Variants in NFATC1 observed in about 807,000 individuals in gnomAD.
NFATC1 encodes the protein nuclear factor of activated T-cells, cytoplasmic 1.
Under a neutral mutation model 76.0 loss-of-function variants are expected in NFATC1, and 22 were observed. The observed-to-expected ratio is 0.29, with a 90% CI of 0.21 to 0.41. NFATC1 has a LOEUF of 0.41. Among genes scored for constraint, NFATC1 ranks in the 10% least tolerant of loss-of-function variants. NFATC1 has a pLI of 1.00. For missense variants in NFATC1, 1,357 were observed against 1,337.7 expected, an observed-to-expected ratio of 1.01 and a Z score of -0.23; for synonymous variants, 704 against 613.1, an observed-to-expected ratio of 1.15 and a Z score of -2.19.
chr18:79,406,118 G>A (rs961673161), intron 1 of NFATC1, among the ~76,000 whole-genome samples: 3 of 152,046 alleles, frequency 2.0e-5, no homozygotes, highest in Non-Finnish European at 2.9e-5. Context: ...TCAGGGCTGA[G>A]TCCTGTGGGA....
intron 9 of NFATC1, among the ~76,000 whole-genome samples, chr18:79,518,737 A>G (rs2090444586): frequency 1.3e-5 from 2 of 152,176 alleles, no homozygotes; most frequent in African/African-American, 2.4e-5. Flanking sequence ...AAACGAGACT[A>G]AGGGTAGCAC....
At chr18:79,444,378 T>G (rs905366473) in intron 3 of NFATC1, among the ~76,000 whole-genome samples, 2 of 152,176 alleles carry the variant, frequency 1.3e-5, no homozygotes, top group African/African-American at 4.8e-5. Context: ...CACTGCACAC[T>G]GGGAACCAGG....
intron 9 of NFATC1, among the ~76,000 whole-genome samples, chr18:79,491,814 C>T (rs560313454): frequency 2.0e-5 from 3 of 152,120 alleles, no homozygotes; most frequent in Non-Finnish European, 4.4e-5. Context: ...GGGATGTCCT[C>T]GTGGGGCCGG....
chr18:79,452,479 G>A (rs543003988), intron 6 of NFATC1, among the ~76,000 whole-genome samples: 5 of 152,210 alleles, frequency 3.3e-5, no homozygotes, highest in African/African-American at 4.8e-5. Context: ...TGCTGCCCAC[G>A]GGAGACTGTC....
At chr18:79,510,318 T>G (rs935698682) in intron 9 of NFATC1, among the ~76,000 whole-genome samples, 3 of 152,132 alleles carry the variant, frequency 2.0e-5, no homozygotes, top group African/African-American at 7.2e-5. Context: ...GGAATTACTT[T>G]AGGGCTAAAA....
chr18:79,481,957 C>G (rs1474628849), intron 8 of NFATC1, among the ~76,000 whole-genome samples: 8 of 136,444 alleles, frequency 5.9e-5, no homozygotes, highest in Non-Finnish European at 1.1e-4. Flanking sequence ...TCCAGCATGA[C>G]CTGGTTCCTG....
chr18:79,436,278 C>T (rs1168901868), intron 3 of NFATC1, among the ~76,000 whole-genome samples: 2 of 152,152 alleles, frequency 1.3e-5, no homozygotes, highest in African/African-American at 4.8e-5. Flanking sequence ...GCGCTGCGGG[C>T]GGCTGGTCAG....
At chr18:79,482,581 T>TC (rs2089323198) in intron 8 of NFATC1, among the ~76,000 whole-genome samples, 1 of 141,778 alleles carries the variant, frequency 7.1e-6, no homozygotes, top group Non-Finnish European at 1.5e-5. Flanking sequence ...CAGCGTGACC[T>TC]GGTCCTGGGG....
intron 1 of NFATC1, among the ~76,000 whole-genome samples, chr18:79,406,702 G>A (rs1600600571): frequency 6.6e-6 from 1 of 152,314 alleles, no homozygotes; most frequent in East Asian, 1.9e-4. Context: ...TGAACAGGTG[G>A]CTCGGCGTGG....
chr18:79,402,809 G>C (rs2085312155), intron 1 of NFATC1, among the ~76,000 whole-genome samples: 1 of 152,146 alleles, frequency 6.6e-6, no homozygotes, highest in Non-Finnish European at 1.5e-5. Context: ...ATGATTCAAT[G>C]GTGTTAATTA....
intron 9 of NFATC1, among the ~76,000 whole-genome samples, chr18:79,510,812 G>T (rs1311537786): frequency 6.6e-6 from 1 of 150,950 alleles, no homozygotes; most frequent in African/African-American, 2.5e-5. Flanking sequence ...CCTCCACGGG[G>T]CTCCTCTGCC....
At chr18:79,423,713 G>T (rs912563336) in intron 2 of NFATC1, among the ~76,000 whole-genome samples, 1 of 152,186 alleles carries the variant, frequency 6.6e-6, no homozygotes, top group Non-Finnish European at 1.5e-5. Flanking sequence ...CCATCTTTCT[G>T]TTCCCACCCT....
chr18:79,464,440 T>C (rs2088326630), intron 7 of NFATC1, among the ~76,000 whole-genome samples: 1 of 151,970 alleles, frequency 6.6e-6, no homozygotes, highest in South Asian at 2.1e-4. Context: ...CTTTAATATA[T>C]ATATTTTCTC....
At chr18:79,522,967 C>T (rs910117303) in intron 9 of NFATC1, among the ~76,000 whole-genome samples, 2 of 152,230 alleles carry the variant, frequency 1.3e-5, no homozygotes, top group South Asian at 2.1e-4. Flanking sequence ...CCAGCAGAGC[C>T]GGCTGAGCTC....
intron 8 of NFATC1, 47 bp from the exon 9 acceptor site, chr18:79,486,201 C>T (rs1478380710): frequency 6.5e-7 from 1 of 1,547,458 alleles, no homozygotes; most frequent in African/African-American, 1.4e-5. Flanking sequence ...CCTGATCACA[C>T]TCATTCGCAA....
chr18:79,510,533 C>A (rs1484153324), intron 9 of NFATC1, among the ~76,000 whole-genome samples: 2 of 152,144 alleles, frequency 1.3e-5, no homozygotes, highest in African/African-American at 4.8e-5. Flanking sequence ...GCTTAGAGGT[C>A]AAAAAACTTT....
In NFATC1 at chr18:79,527,618, C is replaced by G; in HGVS notation, c.*41C>G. 1 of 1,565,206 alleles carries G rather than the reference C, an allele frequency of 6.4e-7. No individual in the cohort carries two copies. Reference sequence around the variant, plus strand: ...ACTCAGTTCAGCAGGGGTATGCTGACTTCAGCAGACAAAGACTTTTGAATA... The same window carrying G: ...ACTCAGTTCAGCAGGGGTATGCTGAGTTCAGCAGACAAAGACTTTTGAATA... On this transcript the variant is annotated 3_prime_UTR_variant, in exon 10 of 10. Transcript: ENST00000427363.
intron 9 of NFATC1, among the ~76,000 whole-genome samples, chr18:79,495,176 G>A (rs541727090): frequency 5.3e-5 from 8 of 152,356 alleles, no homozygotes; most frequent in South Asian, 2.1e-4. Context: ...CAGGTCTCCC[G>A]CCGTGGCGTG....
Position 79,477,785 on chromosome 18 carries a change from C to T in NFATC1, c.2093-8463C>T, listed in dbSNP as rs140692803. On this transcript the variant is annotated intron_variant, in intron 8 of 9. Transcript: ENST00000427363. ...AGTCCGAGGTTGGGACTGGTACGGTCGGGTTCTGGTGAGGACCATTCCAAG... is the reference window on the plus strand; with the variant it reads ...AGTCCGAGGTTGGGACTGGTACGGTTGGGTTCTGGTGAGGACCATTCCAAG... 5.0e-3 allele frequency among the ~76,000 whole-genome samples: 756 copies of T among 152,286 alleles called. 7 individuals are homozygous for T. Among genetic ancestry groups the T allele is most frequent in the African/African-American group, 0.017 (720 of 41,546 alleles).
Sources: allele counts gnomAD v4.1 joint callset (sites outside exome capture counted in the v4.1 genomes callset), GRCh38; gene constraint gnomAD v4.1.1; transcripts MANE v1.5; gene names NCBI Gene and HGNC (gene_info 2026-07-23, HGNC 2026-07-21).